Variants in MIOS observed in about 807,000 individuals in gnomAD.
The protein encoded by MIOS is GATOR2 complex protein MIOS.
A neutral mutation model predicts 96.9 loss-of-function variants in MIOS; 52 were observed. The observed-to-expected ratio is 0.54, with a 90% CI of 0.43 to 0.68. The LOEUF (loss-of-function observed/expected upper bound fraction) is 0.68. Ranked by LOEUF, MIOS falls within the 30% of genes least tolerant of loss-of-function variation. The pLI is 0.00. For synonymous variants in MIOS, 397 were observed against 359.5 expected, an observed-to-expected ratio of 1.10 and a Z score of -1.18; for missense variants, 1,005 against 1,052.8, an observed-to-expected ratio of 0.95 and a Z score of 0.63.
intron 11 of MIOS, among the ~76,000 whole-genome samples, chr7:7,599,583 A>C (rs1373742142): frequency 6.6e-6 from 1 of 152,204 alleles, no homozygotes; most frequent in East Asian, 1.9e-4. Context: ...AAGTGTAAAA[A>C]ACATGAACTA....
Position 7,572,930 on chromosome 7 carries a change from C to T in MIOS, c.455C>T (p.Thr152Ile). 6.2e-7 allele frequency: 1 copy of T among 1,614,126 alleles called. No homozygotes were observed. Among genetic ancestry groups the T allele is most frequent in the African/African-American group, 1.3e-5 (1 of 75,036 alleles). The change falls in exon 4 of 13, where the codon ACT becomes ATT. Residue 152 changes from threonine (T) to isoleucine (I), a missense_variant. This residue lies in a region of MIOS where 865 missense variants were observed against 887.9 expected (regional missense o/e 0.97). Transcript: ENST00000340080. The surrounding 1 kb of genome is among the most constrained non-coding windows in gnomAD (Gnocchi z 4.8). The stretch of plus-strand genomic sequence containing the variant: ...ATATGGGATATCTGCAGCAAATATA[C>T]TCCTGATATAGTTCCCATGGAAAAA... ...VLIWDICSKY[T>I]PDIVPMEKVK...
rs1278839233 is a variant in MIOS, at chr7:7,605,999, T to A, written c.2459T>A (p.Phe820Tyr). 1.2e-6 allele frequency: 2 copies of A among 1,613,948 alleles called. No homozygotes were observed. Among genetic ancestry groups the A allele is most frequent in the South Asian group, 2.2e-5 (2 of 91,080 alleles). The change falls in exon 12 of 13, where the codon TTT becomes TAT. Residue 820 changes from phenylalanine to tyrosine, a missense_variant. Physicochemically the swap from Phe to Tyr is conservative, Grantham distance 22 (BLOSUM62 3). Around this residue, in one of 3 missense-constraint regions of MIOS, gnomAD observed 865 missense variants for 887.9 expected, o/e 0.97. Coordinates refer to ENST00000340080, the MANE Select transcript of MIOS (RefSeq NM_019005.4). ...DLSKDKKLAQ[F>Y]NNWFTWCHNC... ...AGCAAGGACAAAAAATTAGCCCAATTTAACAACTGGTTTACATGGTGTCAT... is the reference window on the plus strand; with the variant it reads ...AGCAAGGACAAAAAATTAGCCCAATATAACAACTGGTTTACATGGTGTCAT...
chr7:7,567,675 C>T lies in MIOS; in HGVS notation c.-152C>T, dbSNP rs979828845. 1.3e-5 allele frequency: 2 copies of T among 152,140 alleles called. No homozygotes were observed. The highest frequency in any genetic ancestry group is 3.8e-4 in the East Asian group (2 of 5,202). The allele number at this position is 152,140 out of a possible 1,614,324, so 9.4% of individuals were successfully genotyped here. ...GGTGGAAATTTCTTGAAACCGCTCT[C>T]GTAATTTGCCACGGTAAGAAAAGTA... On this transcript the variant is annotated 5_prime_UTR_variant, in exon 2 of 13. Coordinates refer to ENST00000340080, the MANE Select transcript of MIOS (RefSeq NM_019005.4).
chr7:7,586,617 C>G (rs1783894684), intron 7 of MIOS, among the ~76,000 whole-genome samples: 1 of 152,098 alleles, frequency 6.6e-6, no homozygotes, highest in South Asian at 2.1e-4. Context: ...AAGGATTAGT[C>G]CCTAAGAATT....
At chr7:7,567,732 C>A (rs10249840) in intron 2 of MIOS, 44 bp downstream of exon 2, 133,430 of 152,182 alleles carry the variant, frequency 0.88, 58,965 homozygotes, top group East Asian at 0.93. Flanking sequence ...GTGGTTGGAT[C>A]CTTTGTACAC....
rs145383820 is a variant in MIOS at position 7,572,182 on chromosome 7, T to C, written c.-40-254T>C. On this transcript the variant is annotated intron_variant, in intron 3 of 12. Coordinates refer to ENST00000340080, the MANE Select transcript of MIOS (RefSeq NM_019005.4). The surrounding 1 kb of genome is among the most constrained non-coding windows in gnomAD (Gnocchi z 4.8). Reference sequence around the variant, plus strand: ...ACTAGTAACAGTGCAATTAAGATAATTGATCATGGGAAATATAGCCAGGAT... The same window carrying C: ...ACTAGTAACAGTGCAATTAAGATAACTGATCATGGGAAATATAGCCAGGAT... 1.1e-3 allele frequency among the ~76,000 whole-genome samples: 168 copies of C among 152,358 alleles called. 2 individuals are homozygous for C. The highest frequency in any genetic ancestry group is 3.9e-3 in the African/African-American group (164 of 41,588).
chr7:7,591,127 T>C (rs1009358498), intron 9 of MIOS, among the ~76,000 whole-genome samples: 9 of 152,176 alleles, frequency 5.9e-5, no homozygotes, highest in Admixed American at 2.6e-4. Context: ...CCTTGTAATA[T>C]AGGTGACAGA....
At chr7:7,606,764 C>T (rs560629246) in intron 12 of MIOS, among the ~76,000 whole-genome samples, 135 of 151,982 alleles carry the variant, frequency 8.9e-4, no homozygotes, top group African/African-American at 3.1e-3. Context: ...TTTCCAAATG[C>T]CATTTTGAAA....
intron 5 of MIOS, among the ~76,000 whole-genome samples, chr7:7,578,146 G>T (rs529806735): frequency 2.2e-4 from 33 of 152,288 alleles, no homozygotes; most frequent in African/African-American, 7.9e-4. Context: ...AGTCTTGGAG[G>T]TGTAGACCAC....
chr7:7,582,018 G>C (rs557158271), intron 5 of MIOS, among the ~76,000 whole-genome samples: 3 of 151,390 alleles, frequency 2.0e-5, no homozygotes, highest in African/African-American at 7.3e-5. Flanking sequence ...TTGGCGGGGC[G>C]GGAGGGCGGG....
intron 5 of MIOS, among the ~76,000 whole-genome samples, chr7:7,580,101 G>C (rs1783663623): frequency 6.6e-6 from 1 of 152,118 alleles, no homozygotes; most frequent in South Asian, 2.1e-4. Flanking sequence ...ATTTATAGGA[G>C]AGATATGAAA....
Position 7,573,644 on chromosome 7 carries a change from T to C in MIOS, c.1169T>C (p.Ile390Thr), listed in dbSNP as rs772120205. Residue 390 changes from isoleucine to threonine, a missense_variant, in exon 4 of 13, where the codon ATA becomes ACA. By Grantham distance (89) the Ile-to-Thr change is moderately conservative (BLOSUM62 -1). Transcript: ENST00000340080. The surrounding 1 kb of genome is among the most constrained non-coding windows in gnomAD (Gnocchi z 5.0). ...AATGATAATTCTTTAGAAAAAGATA[T>C]AGCAACGAAGATGCGTCTTCGGGCT... is the stretch of plus-strand genomic sequence containing the variant. ...EENDNSLEKDIATKMRLRALS... is the reference protein window; with the variant it reads ...EENDNSLEKDTATKMRLRALS... 24 of 1,613,926 alleles carry C rather than the reference T, an allele frequency of 1.5e-5. No homozygotes were observed. The highest frequency in any genetic ancestry group is 8.3e-5 in the Admixed American group (5 of 60,008).
At position 7,573,664 on chromosome 7, in the gene MIOS, C is replaced by T. The variant is rs1783428568; in HGVS notation, c.1189C>T (p.Arg397Trp). 3.1e-6 allele frequency: 5 copies of T among 1,613,900 alleles called. No homozygotes were observed. Among genetic ancestry groups the T allele is most frequent in the African/African-American group, 1.3e-5 (1 of 75,020 alleles). Residue 397 changes from arginine (R) to tryptophan (W), a missense_variant, in exon 4 of 13, where the codon CGG becomes TGG. Arg to Trp is a moderately radical substitution (Grantham distance 101). Coordinates refer to ENST00000340080, the MANE Select transcript of MIOS (RefSeq NM_019005.4). This position sits in a 1 kb window ranked among gnomAD's most constrained non-coding sequence, Gnocchi z 5.0. ...EKDIATKMRL[R>W]ALSRYGLDTE... ...AGATATAGCAACGAAGATGCGTCTTCGGGCTTTATCAAGGTATGGACTTGA... is the reference window on the plus strand; with the variant it reads ...AGATATAGCAACGAAGATGCGTCTTTGGGCTTTATCAAGGTATGGACTTGA...
At chr7:7,584,205 C>T (rs927031040) in intron 6 of MIOS, among the ~76,000 whole-genome samples, 1 of 151,796 alleles carries the variant, frequency 6.6e-6, no homozygotes, top group Non-Finnish European at 1.5e-5. Flanking sequence ...TTAAAAAAGT[C>T]AATGTTTTGC....
Position 7,573,348 on chromosome 7 carries a change from T to C in MIOS, c.873T>C (p.Asn291=), listed in dbSNP as rs755620370. 6.2e-6 allele frequency: 10 copies of C among 1,613,980 alleles called. No individual in the cohort carries two copies. The Admixed American group carries it at 1.7e-4, about 27-fold the overall frequency. The change falls in exon 4 of 13, where the codon AAT becomes AAC. Residue 291 remains asparagine (N), a synonymous_variant. Transcript: ENST00000340080. This position sits in a 1 kb window ranked among gnomAD's most constrained non-coding sequence, Gnocchi z 5.0. ...GLLATLTRDS[N]IIRLYDMQHT... Reference sequence around the variant, plus strand: ...TTGCCACTTTAACAAGGGATAGTAATATTATTAGATTGTATGATATGCAGC... The same window carrying C: ...TTGCCACTTTAACAAGGGATAGTAACATTATTAGATTGTATGATATGCAGC...
intron 11 of MIOS, among the ~76,000 whole-genome samples, chr7:7,597,622 T>A (rs6974246): frequency 0.96 from 144,811 of 150,136 alleles, 69,874 homozygotes; most frequent in East Asian, 1. Context: ...TTTATGTTAC[T>A]CTGGTCCTAA....
At chr7:7,594,531 G>C (rs147808029) in intron 9 of MIOS, among the ~76,000 whole-genome samples, 1,821 of 152,234 alleles carry the variant, frequency 0.012, 22 homozygotes, top group South Asian at 0.042. Flanking sequence ...CTGACGTCAA[G>C]TGATCCGCCT....
chr7:7,592,015 G>A (rs552244391), intron 9 of MIOS, among the ~76,000 whole-genome samples: 84 of 147,516 alleles, frequency 5.7e-4, no homozygotes, highest in Non-Finnish European at 1.1e-3. Flanking sequence ...GAGTCTTGCT[G>A]TGTCACGCAG....
intron 9 of MIOS, among the ~76,000 whole-genome samples, chr7:7,593,462 T>C (rs892625324): frequency 6.6e-6 from 1 of 152,186 alleles, no homozygotes; most frequent in Non-Finnish European, 1.5e-5. Context: ...TTCACTTTTC[T>C]ATTGGCCCTC....
Sources: allele counts gnomAD v4.1 joint callset (sites outside exome capture counted in the v4.1 genomes callset), GRCh38; gene constraint gnomAD v4.1.1; regional missense constraint gnomAD v4.1.1; non-coding constraint Gnocchi (gnomAD v3.1); transcripts MANE v1.5; gene names NCBI Gene and HGNC (gene_info 2026-07-23, HGNC 2026-07-21).